Variants in IFT80 observed in about 807,000 individuals in gnomAD.
The protein encoded by IFT80 is intraflagellar transport protein 80 homolog.
IFT80 carries 79 observed loss-of-function variants against 107.9 expected under a neutral mutation model. That is an observed-to-expected ratio of 0.73 (90% confidence interval 0.61 to 0.88). The LOEUF (loss-of-function observed/expected upper bound fraction) is 0.88. IFT80 is among the 40% of genes least tolerant of loss of function. The pLI, the probability that IFT80 is intolerant of heterozygous loss-of-function variation, is 0.00. For synonymous variants in IFT80, 299 were observed against 300.9 expected (o/e 0.99, Z 0.07); for missense variants, 797 against 914.2 (o/e 0.87, Z 1.65).
chr3:160,263,762 C>T (rs1262779672), intron 19 of IFT80, among the ~76,000 whole-genome samples: 2 of 149,510 alleles, frequency 1.3e-5, no homozygotes, highest in East Asian at 4.1e-4. Context: ...CTGCAACCTC[C>T]AAATCCCAGG....
rs745522185 is a variant in IFT80, at chr3:160,258,562, C to G, written c.2297G>C (p.Ser766Thr). The G allele has an allele frequency of 1.2e-6, 2 of 1,613,496 alleles. No homozygotes were observed. The highest frequency in any genetic ancestry group is 2.7e-5 in the African/African-American group (2 of 74,826). Residue 766 changes from serine (S) to threonine (T), a missense_variant, in exon 20 of 20, where the codon AGC (serine) becomes ACC (threonine). Physicochemically the swap from Ser to Thr is moderately conservative, Grantham distance 58. Coordinates refer to ENST00000326448, the MANE Select transcript of IFT80 (RefSeq NM_020800.3). ...EITKEREQSSSSQSSKSIGLK... is the reference protein window; with the variant it reads ...EITKEREQSSTSQSSKSIGLK... ...ACCTATACTCTTGCTGGATTGGCTG[C>G]TTGATGATTGCTCTCTTTCTTTTGT... is the stretch of plus-strand genomic sequence containing the variant.
At chr3:160,298,537 T>C (rs1252149556) in intron 12 of IFT80, among the ~76,000 whole-genome samples, 2 of 152,310 alleles carry the variant, frequency 1.3e-5, no homozygotes, top group East Asian at 1.9e-4. Flanking sequence ...CTATCAATTA[T>C]CAATGGATTA....
At chr3:160,350,227 C>T (rs1720576933) in intron 8 of IFT80, among the ~76,000 whole-genome samples, 1 of 151,150 alleles carries the variant, frequency 6.6e-6, no homozygotes, top group South Asian at 2.1e-4. Context: ...CCAGCCTGGG[C>T]AATATGGTGA....
rs916349808 is a variant in IFT80 at position 160,262,636 on chromosome 3, T to G, written c.2224-4001A>C. Among the ~76,000 whole-genome samples the G allele has an allele frequency of 7.9e-5, 12 of 152,112 alleles. No homozygotes were observed. In the East Asian group the frequency reaches 2.1e-3, roughly 27 times the overall value. On this transcript the variant is annotated intron_variant, in intron 19 of 19. Transcript: ENST00000326448. ...TACCACGCCCAGCCACGGAGTAAGG[T>G]TTTTTGGTAGATTGCTCTGGAGTCG... is the stretch of plus-strand genomic sequence containing the variant.
At chr3:160,291,230 T>C (rs1227803362) in intron 12 of IFT80, among the ~76,000 whole-genome samples, 1 of 152,258 alleles carries the variant, frequency 6.6e-6, no homozygotes, top group Non-Finnish European at 1.5e-5. Context: ...CTATTTGACA[T>C]TAATTGAAAC....
chr3:160,266,163 A>G (rs948029859), intron 19 of IFT80, among the ~76,000 whole-genome samples: 1 of 148,550 alleles, frequency 6.7e-6, no homozygotes, highest in Non-Finnish European at 1.5e-5. Flanking sequence ...TTCTGGATGG[A>G]AAAAAAAAAC....
chr3:160,285,032 A>C (rs1206171947), intron 13 of IFT80, among the ~76,000 whole-genome samples: 5 of 152,030 alleles, frequency 3.3e-5, no homozygotes, highest in African/African-American at 4.8e-5. Context: ...ATATGAATGT[A>C]TTTGTTATTC....
chr3:160,363,178 T>C, intron 6 of IFT80, among the ~76,000 whole-genome samples: 1 of 152,270 alleles, frequency 6.6e-6, no homozygotes, highest in Middle Eastern at 3.4e-3. Context: ...AGTCTCAGGA[T>C]ACAAAATCAG....
chr3:160,287,296 A>G (rs1715165861), intron 12 of IFT80, among the ~76,000 whole-genome samples: 1 of 152,208 alleles, frequency 6.6e-6, no homozygotes, highest in Non-Finnish European at 1.5e-5. Context: ...TGGGAACCCC[A>G]GAATTTACAG....
In IFT80 at chr3:160,301,045, G is replaced by A; in HGVS notation, c.1153C>T (p.His385Tyr). 4 of 1,568,760 alleles carry A rather than the reference G, an allele frequency of 2.5e-6. No individual in the cohort carries two copies. The highest frequency in any genetic ancestry group is 3.5e-6 in the Non-Finnish European group (4 of 1,145,952). The stretch of plus-strand genomic sequence containing the variant: ...CTACTACCATCTACAAGAAGAAAAT[G>A]TCTAAAAAATAAAGAATAGAAATAG... ...TVSLILQAER[H>Y]FLLVDGSSIY... Residue 385 changes from histidine to tyrosine, a missense_variant and splice_region_variant, in exon 12 of 20, where the codon CAT (histidine) becomes TAT (tyrosine). By Grantham distance (83) the His-to-Tyr change is moderately conservative. Transcript: ENST00000326448.
intron 12 of IFT80, among the ~76,000 whole-genome samples, chr3:160,297,273 A>C (rs982470880): frequency 2.6e-5 from 4 of 152,152 alleles, no homozygotes; most frequent in African/African-American, 9.6e-5. Context: ...AAAAACAAGA[A>C]GATTATTTTG....
chr3:160,277,734 G>A, intron 16 of IFT80, 64 bp from the exon 17 acceptor site: 2 of 1,007,542 alleles, frequency 2.0e-6, no homozygotes, highest in Non-Finnish European at 1.6e-6. Flanking sequence ...AATAAGCAGT[G>A]ATTTAAATAC....
chr3:160,279,425 A>G, intron 15 of IFT80, 61 bp from the exon 16 acceptor site: 1 of 1,417,348 alleles, frequency 7.1e-7, no homozygotes. Context: ...TTTTTCATGT[A>G]TATTAAATTT....
intron 11 of IFT80, among the ~76,000 whole-genome samples, chr3:160,301,416 G>A (rs555176248): frequency 6.6e-5 from 10 of 151,804 alleles, no homozygotes; most frequent in South Asian, 4.1e-4. Context: ...TTTTAATGCC[G>A]GGTGCTATTT....
chr3:160,294,847 T>G (rs1252375378), intron 12 of IFT80, among the ~76,000 whole-genome samples: 1 of 152,176 alleles, frequency 6.6e-6, no homozygotes, highest in Non-Finnish European at 1.5e-5. Context: ...GCCCCCTAAT[T>G]TTTAGAGTTA....
intron 9 of IFT80, among the ~76,000 whole-genome samples, chr3:160,314,555 A>G (rs1717652421): frequency 6.6e-6 from 1 of 152,016 alleles, no homozygotes; most frequent in African/African-American, 2.4e-5. Context: ...AGATTTAACA[A>G]TCATGACTCA....
At chr3:160,371,562 C>A (rs1004693186) in intron 5 of IFT80, among the ~76,000 whole-genome samples, 2 of 152,134 alleles carry the variant, frequency 1.3e-5, no homozygotes, top group African/African-American at 4.8e-5. Context: ...CTCACCTCAG[C>A]CTTCTGAGTA....
At chr3:160,281,870 A>G (rs1396182593) in intron 14 of IFT80, among the ~76,000 whole-genome samples, 1 of 152,222 alleles carries the variant, frequency 6.6e-6, no homozygotes, top group Admixed American at 6.5e-5. Flanking sequence ...AACTCCCCAG[A>G]AGCATGCCAA....
intron 8 of IFT80, among the ~76,000 whole-genome samples, chr3:160,334,695 G>A (rs1342384643): frequency 1.3e-5 from 2 of 152,134 alleles, no homozygotes; most frequent in Admixed American, 6.5e-5. Context: ...GATTACAGGC[G>A]TGGGCCACTG....
Sources: allele counts gnomAD v4.1 joint callset (sites outside exome capture counted in the v4.1 genomes callset), GRCh38; gene constraint gnomAD v4.1.1; transcripts MANE v1.5; gene names NCBI Gene and HGNC (gene_info 2026-07-23, HGNC 2026-07-21).